Variants in IST1 observed in about 807,000 individuals in gnomAD.
The protein encoded by IST1 is IST1 factor associated with ESCRT-III.
Under a neutral mutation model 37.0 loss-of-function variants are expected in IST1, and 23 were observed. That is an observed-to-expected ratio of 0.62 (90% CI 0.45 to 0.88). IST1 has a LOEUF of 0.88. IST1 is among the 40% of genes least tolerant of loss of function. The probability of loss-of-function intolerance (pLI) is 0.00; values close to 1 mark genes in which losing one functional copy is unlikely to be tolerated. For synonymous variants in IST1, 180 were observed against 161.7 expected (o/e 1.11, Z -0.86); for missense variants, 488 against 445.4 (o/e 1.10, Z -0.86).
chr16:71,925,207 G>A (rs369202497), intron 9 of IST1, among the ~76,000 whole-genome samples: 7 of 151,636 alleles, frequency 4.6e-5, no homozygotes, highest in Admixed American at 3.9e-4. Flanking sequence ...TAGAGACGGG[G>A]TTTCACCGTG....
rs139002403 is a variant in IST1, at chr16:71,909,355, C to T, written c.-15-6271C>T. 2.0e-4 allele frequency among the ~76,000 whole-genome samples: 30 copies of T among 152,176 alleles called. No homozygotes were observed. The East Asian group carries it at 3.7e-3, about 19-fold the overall frequency. On this transcript the variant is annotated intron_variant, in intron 1 of 9. Transcript: ENST00000378799. ...ACCGGCCTCAAGCGATCCTCCTGCC[C>T]GGACCTCCCAAACTGCTGGGATTAT...
chr16:71,919,593 C>G (rs138733124), intron 4 of IST1, among the ~76,000 whole-genome samples: 1 of 152,140 alleles, frequency 6.6e-6, no homozygotes, highest in African/African-American at 2.4e-5. Context: ...GGTTTTGCTG[C>G]GTTGCCCAGG....
At chr16:71,904,467 C>T (rs1053092532) in intron 1 of IST1, among the ~76,000 whole-genome samples, 21 of 152,362 alleles carry the variant, frequency 1.4e-4, no homozygotes, top group African/African-American at 4.6e-4. Context: ...GTCTGGAGTG[C>T]ACTTGCACAA....
chr16:71,927,813 G>C lies in IST1; in HGVS notation c.1101G>C (p.Ter367TyrextTer3), dbSNP rs1471060774. 1.2e-6 allele frequency: 2 copies of C among 1,612,150 alleles called. No individual in the cohort carries two copies. Among genetic ancestry groups the C allele is most frequent in the Non-Finnish European group, 1.7e-6 (2 of 1,178,632 alleles). The change falls in exon 10 of 10, where the codon TAG becomes TAC. Residue 367 changes from the stop codon to tyrosine (Y), a stop_lost. Transcript: ENST00000378799. ...TTGAAGAGCTGAAAAAGAAAACATA[G>C]GTCTCTTAAACCAGGCAACTTTCAC... Reference protein sequence around the residue: ...RRFEELKKKT* With the variant: ...RRFEELKKKTY
chr16:71,917,129 A>C lies in IST1; in HGVS notation c.352A>C (p.Lys118Gln). 1.3e-6 allele frequency: 2 copies of C among 1,597,814 alleles called. No individual in the cohort carries two copies. Among genetic ancestry groups the C allele is most frequent in the Non-Finnish European group, 1.7e-6 (2 of 1,166,394 alleles). Residue 118 changes from lysine to glutamine, a missense_variant, in exon 4 of 10, where the codon AAA becomes CAA. By Grantham distance (53) the Lys-to-Gln change is moderately conservative. This residue lies in a region of IST1 where 455 missense variants were observed against 386.2 expected (regional missense o/e 1.18). Coordinates refer to ENST00000378799, the MANE Select transcript of IST1 (RefSeq NM_001270975.2). ...PRLQSEVAELKIVADQLCAKY... is the reference protein window; with the variant it reads ...PRLQSEVAELQIVADQLCAKY... ...ACTCCAGTCAGAAGTGGCTGAGTTG[A>C]AAATAGTGAGTACAAGTAGTTTCAG...
intron 1 of IST1, among the ~76,000 whole-genome samples, chr16:71,914,239 A>G (rs2037422020): frequency 6.8e-6 from 1 of 146,506 alleles, no homozygotes; most frequent in African/African-American, 2.5e-5. Flanking sequence ...GCTCACTGCA[A>G]CCTCCACCTC....
At chr16:71,909,201 G>T (rs184457547) in intron 1 of IST1, among the ~76,000 whole-genome samples, 1 of 145,660 alleles carries the variant, frequency 6.9e-6, no homozygotes, top group Non-Finnish European at 1.5e-5. Context: ...TTGACCTCCT[G>T]GGTGCAAGTG....
intron 1 of IST1, among the ~76,000 whole-genome samples, chr16:71,899,093 T>C (rs2037044758): frequency 6.6e-6 from 1 of 152,234 alleles, no homozygotes; most frequent in South Asian, 2.1e-4. Context: ...TCAGTATTTA[T>C]AGCTCCTTCA....
upstream of IST1, chr16:71,894,881 C>T: frequency 6.8e-7 from 1 of 1,478,886 alleles, no homozygotes; most frequent in Non-Finnish European, 9.1e-7. Flanking sequence ...AAAGTTTTCT[C>T]TGAATACCGA....
At chr16:71,921,616 A>G (rs1854665011) in intron 6 of IST1, 163 bp downstream of exon 6, 1 of 566,578 alleles carries the variant, frequency 1.8e-6, no homozygotes, top group South Asian at 2.3e-5. Flanking sequence ...CTCACAGGGT[A>G]CTTAAGGAAT....
intron 1 of IST1, 64 bp from the exon 2 acceptor site, chr16:71,915,562 A>C (rs2037449222): frequency 1.2e-5 from 12 of 1,037,224 alleles, no homozygotes; most frequent in Non-Finnish European, 1.6e-5. Flanking sequence ...TTCACCCCTA[A>C]GAGGTGTTAG....
At chr16:71,894,843 C>T (rs1290146176), upstream of IST1, 10 of 1,533,634 alleles carry the variant, frequency 6.5e-6, no homozygotes, top group Non-Finnish European at 8.7e-6. Context: ...TAATGGTTTT[C>T]AAGTTAAAAA....
chr16:71,929,686 T>C lies in IST1; in HGVS notation c.*1873T>C, dbSNP rs747213738. ...TATTAGTGCAGCTTCTTTCTGAGTATTGAAGACAAAAAGAGAAAAGTGAGA... is the reference window on the plus strand; with the variant it reads ...TATTAGTGCAGCTTCTTTCTGAGTACTGAAGACAAAAAGAGAAAAGTGAGA... On this transcript the variant is annotated 3_prime_UTR_variant, in exon 10 of 10. Coordinates refer to ENST00000378799, the MANE Select transcript of IST1 (RefSeq NM_001270975.2). 7.9e-6 allele frequency: 12 copies of C among 1,527,978 alleles called. No homozygotes were observed. In the East Asian group the frequency reaches 1.2e-4, roughly 16 times the overall value. 94.7% of individuals were successfully genotyped at this position (1,527,978 alleles called of 1,614,324 possible).
chr16:71,911,288 T>A (rs1202499915), intron 1 of IST1, among the ~76,000 whole-genome samples: 2 of 151,702 alleles, frequency 1.3e-5, no homozygotes, highest in Non-Finnish European at 2.9e-5. Context: ...TCCCTTTCAT[T>A]TGTTCGGCAG....
At chr16:71,916,427 A>G (rs879904387) in intron 2 of IST1, 35 bp from the exon 3 acceptor site, 80 of 1,605,678 alleles carry the variant, frequency 5.0e-5, no homozygotes, top group Non-Finnish European at 6.5e-5. Flanking sequence ...CAAGTGCTCT[A>G]CTGCTGTGAG....
intron 4 of IST1, among the ~76,000 whole-genome samples, chr16:71,920,483 A>G (rs771125304): frequency 6.6e-6 from 1 of 152,254 alleles, no homozygotes; most frequent in African/African-American, 2.4e-5. Context: ...TATAAGAGTA[A>G]GAACAGTATC....
Position 71,922,510 on chromosome 16 carries a change from G to T in IST1, c.589G>T (p.Asp197Tyr). ...APPGVETDLIDVGFTDDVKKG... is the reference protein window; with the variant it reads ...APPGVETDLIYVGFTDDVKKG... ...TCCTGGGGTAGAGACAGATCTTATT[G>T]ATGTTGGATTCACAGATGATGTGAA... The change falls in exon 7 of 10, where the codon GAT (aspartate) becomes TAT (tyrosine). Residue 197 changes from aspartate to tyrosine, a missense_variant. By Grantham distance (160) the Asp-to-Tyr change is radical. This residue lies in a region of IST1 where 455 missense variants were observed against 386.2 expected (regional missense o/e 1.18). Transcript: ENST00000378799. The T allele has an allele frequency of 1.9e-6, 3 of 1,614,180 alleles. No individual in the cohort carries two copies. Among genetic ancestry groups the T allele is most frequent in the Non-Finnish European group, 2.5e-6 (3 of 1,180,026 alleles).
At chr16:71,894,910 C>T, upstream of IST1, 3 of 1,257,408 alleles carry the variant, frequency 2.4e-6, no homozygotes, top group African/African-American at 1.5e-5. Context: ...AGGGAAATCG[C>T]CAGAGACTGT....
intron 1 of IST1, among the ~76,000 whole-genome samples, chr16:71,911,359 A>T (rs970121026): frequency 1.1e-3 from 8 of 7,618 alleles, no homozygotes; most frequent in African/African-American, 1.6e-3. Flanking sequence ...ACCTTTTTTT[A>T]AAAAAAACTA....
Sources: allele counts gnomAD v4.1 joint callset (sites outside exome capture counted in the v4.1 genomes callset), GRCh38; gene constraint gnomAD v4.1.1; regional missense constraint gnomAD v4.1.1; transcripts MANE v1.5; gene names NCBI Gene and HGNC (gene_info 2026-07-23, HGNC 2026-07-21).